The following TRIO variants were observed in gnomAD, a reference collection of about 807,000 sequenced individuals.
The protein encoded by TRIO is triple functional domain protein.
TRIO carries 58 observed loss-of-function variants against 351.9 expected under a neutral mutation model. The ratio of observed to expected loss-of-function variants is 0.16; its 90% CI spans 0.13 to 0.21. The LOEUF (loss-of-function observed/expected upper bound fraction) is 0.21, where lower values mean the gene tolerates loss of function less well. Among genes scored for constraint, TRIO ranks in the 10% least tolerant of loss-of-function variants. The pLI is 1.00. For missense variants in TRIO, 3,201 were observed against 4,027.8 expected (o/e 0.79, Z 5.56); for synonymous variants, 1,758 against 1,595.7 (o/e 1.10, Z -2.42).
intron 10 of TRIO, among the ~76,000 whole-genome samples, chr5:14,331,142 CTTGT>C (rs928563794): frequency 1.3e-5 from 2 of 152,178 alleles, no homozygotes; most frequent in Non-Finnish European, 2.9e-5. Context: ...GTGTTTTTGT[CTTGT>C]TTATTATACC....
intron 5 of TRIO, 69 bp downstream of exon 5, chr5:14,291,297 G>A: frequency 6.6e-7 from 1 of 1,524,132 alleles, no homozygotes; most frequent in Non-Finnish European, 8.9e-7. Flanking sequence ...TCGGGTGGAA[G>A]GAAAGAGAAA....
chr5:14,502,626 T>C lies in TRIO; in HGVS notation c.8380T>C (p.Ser2794Pro). The C allele has an allele frequency of 6.2e-7, 1 of 1,614,210 alleles. No individual in the cohort carries two copies. The highest frequency in any genetic ancestry group is 8.5e-7 in the Non-Finnish European group (1 of 1,180,034). ...GGTGACCTGGAAAGACAACTTTGAC[T>C]CCTTCTACAGTGAAGTGGCTGAGCT... is the stretch of plus-strand genomic sequence containing the variant. ...IMVTWKDNFD[S>P]FYSEVAELGR... The change falls in exon 54 of 57, where the codon TCC becomes CCC. Residue 2794 changes from serine to proline, a missense_variant. By Grantham distance (74) the Ser-to-Pro change is moderately conservative. This residue lies in a region of TRIO where 1,089 missense variants were observed against 954.9 expected (regional missense o/e 1.14). Transcript: ENST00000344204.
chr5:14,284,986 G>A (rs887290948), intron 3 of TRIO, among the ~76,000 whole-genome samples: 19 of 152,182 alleles, frequency 1.2e-4, no homozygotes, highest in Non-Finnish European at 2.2e-4. Context: ...ATGGAATCTC[G>A]AGGGATTGCA....
chr5:14,471,760 G>T (rs964449347), intron 38 of TRIO, among the ~76,000 whole-genome samples: 1 of 152,148 alleles, frequency 6.6e-6, no homozygotes, highest in Admixed American at 6.6e-5. Context: ...TTGTACATGT[G>T]ATTGTGAAAG....
chr5:14,472,739 CCT>C (rs1225392607), intron 39 of TRIO, 81 bp downstream of exon 39: 4 of 1,417,640 alleles, frequency 2.8e-6, no homozygotes, highest in Non-Finnish European at 3.9e-6. Flanking sequence ...CAGTTGAACA[CCT>C]CTCAAAAGCT....
rs182297470 is a variant in TRIO at position 14,382,745 on chromosome 5, G to A, written c.3570+1493G>A. ...CATTATATGATCCGTATTTAGGGGC[G>A]TGTGTGTGTCTGTGTGTGTGTTAGA... On this transcript the variant is annotated intron_variant, in intron 21 of 56. Transcript: ENST00000344204. 4.6e-5 allele frequency among the ~76,000 whole-genome samples: 7 copies of A among 152,184 alleles called. No individual in the cohort carries two copies. In the East Asian group the frequency reaches 7.7e-4, roughly 17 times the overall value.
At chr5:14,292,883 A>T (rs1479922775) in intron 5 of TRIO, 129 bp from the exon 6 acceptor site, 4 of 1,314,338 alleles carry the variant, frequency 3.0e-6, no homozygotes, top group Non-Finnish European at 4.2e-6. Context: ...CTCTTCTGAG[A>T]GAATCAGACA....
chr5:14,292,896 G>C, intron 5 of TRIO, 116 bp from the exon 6 acceptor site: 1 of 1,434,896 alleles, frequency 7.0e-7, no homozygotes, highest in African/African-American at 1.4e-5. Flanking sequence ...ATCAGACAGC[G>C]CTTGAAGTTG....
Position 14,290,754 on chromosome 5 carries a change from T to A in TRIO, c.579T>A (p.Val193=). The A allele has an allele frequency of 6.2e-7, 1 of 1,614,112 alleles. No homozygotes were observed. The highest frequency in any genetic ancestry group is 1.1e-5 in the South Asian group (1 of 91,054). ...CTTTAGAAGGCCTTACCAAAGTAGT[T>A]GATCCTTCTCAGCTAACTCCTGAGT... is the stretch of plus-strand genomic sequence containing the variant. The part of the protein sequence containing the change: ...MVSLEGLTKV[V]DPSQLTPEFD... The change falls in exon 5 of 57, where the codon GTT becomes GTA. Residue 193 remains valine, a synonymous_variant. Transcript: ENST00000344204.
At chr5:14,265,558 T>C (rs1343550340) in intron 1 of TRIO, among the ~76,000 whole-genome samples, 1 of 152,208 alleles carries the variant, frequency 6.6e-6, no homozygotes, top group East Asian at 1.9e-4. Context: ...ATTTCTAGGG[T>C]GCTTTTTATT....
At position 14,414,451 on chromosome 5, in the gene TRIO, C is replaced by T. The variant is rs536774169; in HGVS notation, c.4960-5327C>T. 3.9e-5 allele frequency among the ~76,000 whole-genome samples: 6 copies of T among 152,272 alleles called. No homozygotes were observed. The South Asian group carries it at 6.2e-4, about 16-fold the overall frequency. On this transcript the variant is annotated intron_variant, in intron 33 of 56. Transcript: ENST00000344204. ...TGTATGACAACACACTCAAGTCTTC[C>T]GAGATCAATCTTCACATCAGAAAAG...
chr5:14,348,272 G>A (rs2152328221), intron 11 of TRIO, among the ~76,000 whole-genome samples: 1 of 152,326 alleles, frequency 6.6e-6, no homozygotes, highest in South Asian at 2.1e-4. Flanking sequence ...ACATGCCCTG[G>A]AAGCTATAGT....
chr5:14,404,944 G>A (rs902801520), intron 31 of TRIO, among the ~76,000 whole-genome samples: 5 of 152,070 alleles, frequency 3.3e-5, no homozygotes, highest in Non-Finnish European at 7.3e-5. Flanking sequence ...CCTCATCTAC[G>A]ATGAGTTATG....
intron 34 of TRIO, among the ~76,000 whole-genome samples, chr5:14,427,596 T>C (rs1418352538): frequency 6.6e-6 from 1 of 152,168 alleles, no homozygotes; most frequent in African/African-American, 2.4e-5. Context: ...CCCAGGGCAG[T>C]TGACAGAGGG....
intron 1 of TRIO, among the ~76,000 whole-genome samples, chr5:14,203,611 A>G (rs1791274037): frequency 6.6e-6 from 1 of 152,240 alleles, no homozygotes; most frequent in Admixed American, 6.5e-5. Context: ...AATTCTAAGA[A>G]ACAGTCTTTT....
intron 37 of TRIO, chr5:14,465,948 C>G: frequency 3.0e-6 from 1 of 335,966 alleles, no homozygotes; most frequent in Middle Eastern, 3.9e-4. Flanking sequence ...CATGCTCTCC[C>G]AGTGGAGTCA....
intron 28 of TRIO, 62 bp from the exon 29 acceptor site, chr5:14,396,981 C>T: frequency 2.1e-6 from 3 of 1,431,990 alleles, no homozygotes; most frequent in Non-Finnish European, 2.9e-6. Flanking sequence ...CTGTTTCTGC[C>T]AAGGTCTTAT....
intron 33 of TRIO, among the ~76,000 whole-genome samples, chr5:14,410,195 G>A (rs1341017073): frequency 6.6e-6 from 1 of 152,156 alleles, no homozygotes; most frequent in Non-Finnish European, 1.5e-5. Context: ...TTGCCAATAA[G>A]TCAGAATTTG....
chr5:14,189,400 C>T (rs1276703871), intron 1 of TRIO, among the ~76,000 whole-genome samples: 14 of 152,152 alleles, frequency 9.2e-5, no homozygotes, highest in Admixed American at 9.2e-4. Context: ...TTGAAATTTT[C>T]ATCACCTTTG....
Sources: gnomAD v4.1 joint callset for allele counts (sites outside exome capture counted in the v4.1 genomes callset) on GRCh38, gnomAD v4.1.1 for gene constraint, gnomAD v4.1.1 regional missense constraint, MANE v1.5 for transcripts, NCBI Gene and HGNC (gene_info 2026-07-23, HGNC 2026-07-21) for gene names.